The following CRAMP1 variants were observed in gnomAD, a reference collection of about 807,000 sequenced individuals.
CRAMP1 encodes protein cramped-like.
Under a neutral mutation model 115.4 loss-of-function variants are expected in CRAMP1, and 50 were observed. The observed-to-expected ratio is 0.43, with a 90% CI of 0.35 to 0.55. The LOEUF is 0.55. Among genes scored for constraint, CRAMP1 ranks in the 20% least tolerant of loss-of-function variants. The probability of loss-of-function intolerance (pLI) is 0.01; values close to 1 mark genes in which losing one functional copy is unlikely to be tolerated. For missense variants in CRAMP1, 1,679 were observed against 1,721.7 expected (o/e 0.98, Z 0.44); for synonymous variants, 866 against 745.4 (o/e 1.16, Z -2.64).
At chr16:1,648,902 C>CA (rs925568272) in intron 6 of CRAMP1, among the ~76,000 whole-genome samples, 5 of 150,732 alleles carry the variant, frequency 3.3e-5, no homozygotes, top group Non-Finnish European at 5.9e-5. Flanking sequence ...ACTAAAAATA[C>CA]AAAAAAATTA....
chr16:1,619,921 T>C (rs981542215), intron 2 of CRAMP1, among the ~76,000 whole-genome samples: 1 of 152,192 alleles, frequency 6.6e-6, no homozygotes, highest in African/African-American at 2.4e-5. Context: ...GGACCAGATC[T>C]TTAGATTGAT....
At chr16:1,662,197 G>A (rs1226691505) in intron 11 of CRAMP1, among the ~76,000 whole-genome samples, 2 of 152,178 alleles carry the variant, frequency 1.3e-5, no homozygotes, top group African/African-American at 4.8e-5. Flanking sequence ...TCTAGCCCTG[G>A]AACATCTTTG....
intron 9 of CRAMP1, among the ~76,000 whole-genome samples, 167 bp downstream of exon 9, chr16:1,655,467 G>A (rs1199180962): frequency 1.3e-5 from 2 of 152,192 alleles, no homozygotes; most frequent in Non-Finnish European, 2.9e-5. Flanking sequence ...CTTATTCCCT[G>A]GGTGTGGAGC....
At chr16:1,638,398 G>A (rs985737989) in intron 5 of CRAMP1, among the ~76,000 whole-genome samples, 1 of 152,244 alleles carries the variant, frequency 6.6e-6, no homozygotes, top group African/African-American at 2.4e-5. Flanking sequence ...TGACTGTGGA[G>A]TCTCCCTTGG....
intron 2 of CRAMP1, among the ~76,000 whole-genome samples, chr16:1,621,379 G>A (rs2036464830): frequency 6.6e-6 from 1 of 152,260 alleles, no homozygotes; most frequent in Non-Finnish European, 1.5e-5. Context: ...GGTGCTAGGG[G>A]TTTGGGAGAC....
At chr16:1,618,864 CAAAAA>C (rs1021247167) in intron 2 of CRAMP1, among the ~76,000 whole-genome samples, 2 of 152,086 alleles carry the variant, frequency 1.3e-5, no homozygotes, top group African/African-American at 2.4e-5. Context: ...GACCCTGTTT[CAAAAA>C]CAAAACAAAA....
chr16:1,646,376 CG>C (rs1187105477), intron 6 of CRAMP1, among the ~76,000 whole-genome samples: 6 of 152,140 alleles, frequency 3.9e-5, no homozygotes, highest in Admixed American at 3.9e-4. Context: ...TCAGCGTGTT[CG>C]GGGTGTTTGT....
intron 18 of CRAMP1, 102 bp from the exon 19 acceptor site, chr16:1,668,899 A>AGCCCTGCG (rs1318629200): frequency 1.9e-6 from 2 of 1,073,948 alleles, no homozygotes; most frequent in African/African-American, 3.2e-5. Context: ...AGCAGGGTAG[A>AGCCCTGCG]GCCCTGCGGC....
intron 6 of CRAMP1, among the ~76,000 whole-genome samples, chr16:1,643,964 T>G (rs12447757): frequency 0.022 from 3,366 of 152,330 alleles, 230 homozygotes; most frequent in Admixed American, 0.13. Flanking sequence ...TCCTTTTTCT[T>G]AAGGAAGCTA....
rs183144093 is a variant in CRAMP1, at chr16:1,666,462, C to G, written c.2898C>G (p.Ser966=). ...DLAATSAGIL[S]GNPLPALDTE... is the part of the protein sequence containing the mutation. ...CAGCTACAAGTGCCGGCATCCTTTC[C>G]GGGAACCCCCTCCCTGCCTTGGACA... The change falls in exon 16 of 21, where the codon TCC becomes TCG. Residue 966 remains serine (S), a synonymous_variant. Coordinates refer to ENST00000397412, the MANE Select transcript of CRAMP1 (RefSeq NM_020825.4). This position sits in a 1 kb window ranked among gnomAD's most constrained non-coding sequence, Gnocchi z 5.0. 6.2e-7 allele frequency: 1 copy of G among 1,613,812 alleles called. No homozygotes were observed.
At chr16:1,630,972 G>A (rs935434058) in intron 3 of CRAMP1, among the ~76,000 whole-genome samples, 3 of 152,200 alleles carry the variant, frequency 2.0e-5, no homozygotes, top group South Asian at 4.1e-4. Flanking sequence ...CTCAGGCAGC[G>A]TCTGCCAGGT....
At chr16:1,628,948 G>A (rs967609469) in intron 3 of CRAMP1, among the ~76,000 whole-genome samples, 24 of 152,164 alleles carry the variant, frequency 1.6e-4, no homozygotes, top group African/African-American at 5.6e-4. Context: ...ATTCGCGCCC[G>A]TCCAGTTATG....
At chr16:1,653,306 C>G in intron 8 of CRAMP1, 150 bp downstream of exon 8, 2 of 964,478 alleles carry the variant, frequency 2.1e-6, no homozygotes, top group Non-Finnish European at 3.0e-6. Context: ...GTGGAGGCGA[C>G]TGGAGTCCAG....
At chr16:1,646,130 T>C (rs2142190082) in intron 6 of CRAMP1, among the ~76,000 whole-genome samples, 1 of 152,358 alleles carries the variant, frequency 6.6e-6, no homozygotes, top group South Asian at 2.1e-4. Context: ...TGCTGAGTCA[T>C]GTTCCACAGT....
At chr16:1,670,269 A>T (rs1348184347) in intron 19 of CRAMP1, among the ~76,000 whole-genome samples, 1 of 151,618 alleles carries the variant, frequency 6.6e-6, no homozygotes, top group African/African-American at 2.4e-5. Context: ...CTTTAAAAAA[A>T]ATTAAAAGCA....
chr16:1,670,535 CA>C (rs2036913348), intron 19 of CRAMP1, 128 bp from the exon 20 acceptor site: 3 of 967,582 alleles, frequency 3.1e-6, no homozygotes, highest in African/African-American at 3.3e-5. Context: ...GCTCTTCGCA[CA>C]AGTCTGGATT....
intron 13 of CRAMP1, among the ~76,000 whole-genome samples, chr16:1,664,573 G>C (rs1395987218): frequency 6.6e-6 from 1 of 152,182 alleles, no homozygotes; most frequent in African/African-American, 2.4e-5. Flanking sequence ...GAGGTCAGGA[G>C]TTCAAGACCA....
chr16:1,651,643 A>G (rs2036724087), intron 6 of CRAMP1, among the ~76,000 whole-genome samples: 2 of 139,060 alleles, frequency 1.4e-5, no homozygotes, highest in Non-Finnish European at 3.1e-5. Flanking sequence ...CTAGAGGTGG[A>G]TTGAAGTCAC....
intron 6 of CRAMP1, 30 bp downstream of exon 6, chr16:1,641,217 C>T: frequency 6.6e-7 from 1 of 1,520,656 alleles, no homozygotes. Flanking sequence ...TGAAACATCA[C>T]TTCTCTGGGT....
Sources: allele counts gnomAD v4.1 joint callset (sites outside exome capture counted in the v4.1 genomes callset), GRCh38; gene constraint gnomAD v4.1.1; non-coding constraint Gnocchi (gnomAD v3.1); transcripts MANE v1.5; gene names NCBI Gene and HGNC (gene_info 2026-07-23, HGNC 2026-07-21).